The following ADCY2 variants were observed in gnomAD, a reference collection of about 807,000 sequenced individuals.
The protein encoded by ADCY2 is adenylate cyclase type 2.
ADCY2 carries 31 observed loss-of-function variants against 125.2 expected under a neutral mutation model. The ratio of observed to expected loss-of-function variants is 0.25; its 90% CI spans 0.19 to 0.33. The LOEUF is 0.33. Ranked by LOEUF, ADCY2 falls within the 10% of genes least tolerant of loss-of-function variation. The pLI is 1.00. For missense variants in ADCY2, 904 were observed against 1,418.2 expected (o/e 0.64, Z 5.82); for synonymous variants, 512 against 548.4 (o/e 0.93, Z 0.93).
intron 4 of ADCY2, among the ~76,000 whole-genome samples, chr5:7,672,754 A>G (rs1739977955): frequency 6.6e-6 from 1 of 152,360 alleles, no homozygotes; most frequent in African/African-American, 2.4e-5. Context: ...TTATTGGAAC[A>G]CAGAGCCACA....
At chr5:7,674,178 G>T (rs145744513) in intron 4 of ADCY2, among the ~76,000 whole-genome samples, 1 of 152,154 alleles carries the variant, frequency 6.6e-6, no homozygotes, top group Non-Finnish European at 1.5e-5. Context: ...GGTGGTGGTC[G>T]TGGTGAGGTT....
chr5:7,820,357 G>T (rs1354964541), intron 23 of ADCY2, among the ~76,000 whole-genome samples: 1 of 152,084 alleles, frequency 6.6e-6, no homozygotes, highest in East Asian at 1.9e-4. Flanking sequence ...AGCCAGGTGT[G>T]GTGGTGTGTT....
chr5:7,462,860 C>T (rs1741962929), intron 2 of ADCY2, among the ~76,000 whole-genome samples: 1 of 152,158 alleles, frequency 6.6e-6, no homozygotes, highest in African/African-American at 2.4e-5. Context: ...TTGTCCTTGG[C>T]AGGGTGGATT....
intron 2 of ADCY2, among the ~76,000 whole-genome samples, chr5:7,492,380 G>A (rs1311419639): frequency 6.6e-6 from 1 of 152,212 alleles, no homozygotes; most frequent in Non-Finnish European, 1.5e-5. Context: ...TTGGAGGAAT[G>A]TGATCATATC....
chr5:7,802,316 C>A lies in ADCY2; in HGVS notation c.2727C>A (p.Gly909=), dbSNP rs755890069. ...CAGAATCCGACGTGAACAAGGAGGGCTTGGAATGCCTTCGGCTCCTGAACG... is the reference window on the plus strand; with the variant it reads ...CAGAATCCGACGTGAACAAGGAGGGATTGGAATGCCTTCGGCTCCTGAACG... ...FYTESDVNKE[G]LECLRLLNEI... The change falls in exon 21 of 25, where the codon GGC becomes GGA. Residue 909 remains glycine, a synonymous_variant. Coordinates refer to ENST00000338316, the MANE Select transcript of ADCY2 (RefSeq NM_020546.3). This position sits in a 1 kb window ranked among gnomAD's most constrained non-coding sequence, Gnocchi z 4.6. The A allele has an allele frequency of 3.1e-6, 5 of 1,614,052 alleles. No homozygotes were observed. Among genetic ancestry groups the A allele is most frequent in the Non-Finnish European group, 4.2e-6 (5 of 1,180,046 alleles).
At chr5:7,724,192 G>A (rs73041795) in intron 12 of ADCY2, among the ~76,000 whole-genome samples, 6,534 of 147,970 alleles carry the variant, frequency 0.044, 482 homozygotes, top group African/African-American at 0.15. Context: ...GTGTGATTTC[G>A]GAAAAACATT....
chr5:7,660,954 T>C (rs1445068486), intron 4 of ADCY2, among the ~76,000 whole-genome samples: 1 of 152,148 alleles, frequency 6.6e-6, no homozygotes, highest in Non-Finnish European at 1.5e-5. Flanking sequence ...GGAGGCAGAA[T>C]CCAGTGTCCC....
chr5:7,641,804 G>T (rs1454396212), intron 4 of ADCY2, among the ~76,000 whole-genome samples: 2 of 152,036 alleles, frequency 1.3e-5, no homozygotes, highest in Non-Finnish European at 2.9e-5. Context: ...GTGTTAATTT[G>T]CTTAGGATTA....
chr5:7,718,988 AAATAAT>A (rs141855782), intron 12 of ADCY2, among the ~76,000 whole-genome samples: 5,727 of 152,176 alleles, frequency 0.038, 152 homozygotes, highest in Middle Eastern at 0.061. Context: ...AAAAGTTAGC[AAATAAT>A]AATAATAATA....
In ADCY2 at chr5:7,804,590, T is replaced by C; in HGVS notation, c.2781T>C (p.Leu927=). 2 of 1,614,068 alleles carry C rather than the reference T, an allele frequency of 1.2e-6. No homozygotes were observed. The highest frequency in any genetic ancestry group is 1.7e-6 in the Non-Finnish European group (2 of 1,179,910). ...CGGTTGTCATTGCTTCACAGCTTCTTTCCAAGCCAAAATTCAGTGGAGTTG... is the reference window on the plus strand; with the variant it reads ...CGGTTGTCATTGCTTCACAGCTTCTCTCCAAGCCAAAATTCAGTGGAGTTG... ...NEIIADFDDL[L]SKPKFSGVEK... Residue 927 remains leucine, a synonymous_variant, in exon 22 of 25, where the codon CTT becomes CTC. Transcript: ENST00000338316.
chr5:7,557,135 T>TATATATATATA (rs1554019445), intron 3 of ADCY2, among the ~76,000 whole-genome samples: 1,342 of 77,518 alleles, frequency 0.017, 26 homozygotes, highest in African/African-American at 0.043. Context: ...CAAAAACAGT[T>TATATATATATA]TATATATATA....
chr5:7,762,887 C>A (rs556680027), intron 16 of ADCY2, among the ~76,000 whole-genome samples: 1 of 151,998 alleles, frequency 6.6e-6, no homozygotes, highest in South Asian at 2.1e-4. Flanking sequence ...GGGCTGTGGG[C>A]GCGCATATGC....
chr5:7,757,592 T>TGGCCGTGTTCAACATGGTAAG lies in ADCY2; in HGVS notation c.2094+6_2094+7insGGCCGTGTTCAACATGGTAAG. The stretch of plus-strand genomic sequence containing the variant: ...TGATGGCCGTGTTCAACATGGTAAG[T>TGGCCGTGTTCAACATGGTAAG]CCCAGAGCACGGCCGTGTTCAACAT... On this transcript the variant is annotated splice_region_variant and intron_variant, in intron 16 of 24. Coordinates refer to ENST00000338316, the MANE Select transcript of ADCY2 (RefSeq NM_020546.3). The TGGCCGTGTTCAACATGGTAAG allele has an allele frequency of 6.5e-7, 1 of 1,545,596 alleles. No homozygotes were observed.
chr5:7,566,628 C>T (rs995996130), intron 3 of ADCY2, among the ~76,000 whole-genome samples: 2 of 152,124 alleles, frequency 1.3e-5, no homozygotes, highest in Non-Finnish European at 2.9e-5. Flanking sequence ...TAGATGTCAA[C>T]TTCGCAACAG....
chr5:7,491,169 T>C (rs567981663), intron 2 of ADCY2, among the ~76,000 whole-genome samples: 113 of 152,368 alleles, frequency 7.4e-4, no homozygotes, highest in African/African-American at 2.5e-3. Flanking sequence ...ATTATAATTT[T>C]ATCTATTTAA....
At chr5:7,826,269 G>A (rs1391783719) in intron 24 of ADCY2, among the ~76,000 whole-genome samples, 1 of 152,104 alleles carries the variant, frequency 6.6e-6, no homozygotes, top group African/African-American at 2.4e-5. Context: ...TTTCATGAAA[G>A]GACATTCATG....
intron 22 of ADCY2, among the ~76,000 whole-genome samples, chr5:7,807,102 C>T (rs1448306088): frequency 2.0e-5 from 3 of 152,074 alleles, no homozygotes; most frequent in Admixed American, 6.5e-5. Flanking sequence ...GGCAGGGCCT[C>T]GGAGTGGGAG....
Position 7,636,843 on chromosome 5 carries a change from G to A in ADCY2, c.720+10527G>A, listed in dbSNP as rs183212970. On this transcript the variant is annotated intron_variant, in intron 4 of 24. Transcript: ENST00000338316. ...AGTGGCCTGGACAATAAGTTTAAGT[G>A]GAGCAATCATGCTAAAGTGACTGAG... Among the ~76,000 whole-genome samples, 85 of 152,204 alleles carry A rather than the reference G, an allele frequency of 5.6e-4. 1 individual carries two copies. Among genetic ancestry groups the A allele is most frequent in the Non-Finnish European group, 9.8e-4 (67 of 68,028 alleles).
At chr5:7,690,551 T>C (rs1221437775) in intron 4 of ADCY2, 140 bp from the exon 5 acceptor site, 3 of 614,528 alleles carry the variant, frequency 4.9e-6, no homozygotes, top group Non-Finnish European at 2.5e-6. Context: ...CCAATATATA[T>C]TTCTAGAATC....
Sources: gnomAD v4.1 joint callset for allele counts (sites outside exome capture counted in the v4.1 genomes callset) on GRCh38, gnomAD v4.1.1 for gene constraint, Gnocchi (gnomAD v3.1) non-coding constraint, MANE v1.5 for transcripts, NCBI Gene and HGNC (gene_info 2026-07-23, HGNC 2026-07-21) for gene names.